ZNF211: variants seen among roughly 807,000 people sequenced by gnomAD.
The protein encoded by ZNF211 is zinc finger protein 211.
Under a neutral mutation model 12.1 loss-of-function variants are expected in ZNF211, and 18 were observed. That is an observed-to-expected ratio of 1.48 (90% CI 1.03 to 2.20). ZNF211 has a LOEUF of 2.20. Among genes scored for constraint, ZNF211 ranks in the 30% most tolerant of loss-of-function variants. The pLI is 0.00. For missense variants in ZNF211, 677 were observed against 703.1 expected (o/e 0.96, Z 0.42); for synonymous variants, 249 against 246.0 (o/e 1.01, Z -0.11).
intron 3 of ZNF211, among the ~76,000 whole-genome samples, chr19:57,637,487 G>T (rs12610072): frequency 0.18 from 27,465 of 151,886 alleles, 2,650 homozygotes; most frequent in East Asian, 0.32. Context: ...GCTCCTGGCC[G>T]CAAGCGATCC....
At position 57,641,427 on chromosome 19, in the gene ZNF211, C is replaced by T. The variant is rs11879465; in HGVS notation, c.980C>T (p.Ala327Val). Residue 327 changes from alanine to valine, a missense_variant, in exon 4 of 4, where the codon GCG (alanine) becomes GTG (valine). Ala to Val is a moderately conservative substitution (Grantham distance 64). Transcript: ENST00000240731. ...QRVHTGERPY[A>V]CPECGKSFSQ... ...GTTCATACTGGAGAAAGGCCTTATG[C>T]GTGCCCTGAATGTGGGAAATCGTTT... 258,630 of 1,613,160 alleles carry T rather than the reference C, an allele frequency of 0.16. 21,766 individuals are homozygous for T. The highest frequency in any genetic ancestry group is 0.3 in the East Asian group (13,358 of 44,814).
intron 3 of ZNF211, chr19:57,639,952 G>GC: frequency 6.5e-7 from 1 of 1,527,632 alleles, no homozygotes; most frequent in Non-Finnish European, 8.8e-7. Context: ...CTCAACTAGG[G>GC]CTAGGGGAAG....
In ZNF211 at chr19:57,636,551, C is replaced by T. The variant is rs144846755; in HGVS notation, c.256+1796C>T. 8.2e-3 allele frequency among the ~76,000 whole-genome samples: 1,243 copies of T among 152,252 alleles called. 8 individuals are homozygous for T. Among genetic ancestry groups the T allele is most frequent in the Non-Finnish European group, 0.012 (813 of 68,000 alleles). On this transcript the variant is annotated intron_variant, in intron 3 of 3. Coordinates refer to ENST00000240731, the MANE Select transcript of ZNF211 (RefSeq NM_006385.5). ...ATTTGAGGGTTTATTTCTGGGGTCT[C>T]TTCTAGTCCATTGATCTATATGTCT...
chr19:57,636,775 C>T (rs1336355912), intron 3 of ZNF211, among the ~76,000 whole-genome samples: 1 of 152,126 alleles, frequency 6.6e-6, no homozygotes, highest in African/African-American at 2.4e-5. Flanking sequence ...ATAGGTATCG[C>T]ACTTTCTATA....
intron 3 of ZNF211, 98 bp downstream of exon 3, chr19:57,634,853 T>G: frequency 7.4e-7 from 1 of 1,350,270 alleles, no homozygotes; most frequent in Non-Finnish European, 9.6e-7. Flanking sequence ...CTATAGGCAC[T>G]GCCTCCTTCC....
chr19:57,643,062 A>C lies in ZNF211; in HGVS notation c.*881A>C, dbSNP rs1423320648. 6.6e-6 allele frequency among the ~76,000 whole-genome samples: 1 copy of C among 152,134 alleles called. No individual in the cohort carries two copies. Among genetic ancestry groups the C allele is most frequent in the Non-Finnish European group, 1.5e-5 (1 of 68,028 alleles). On this transcript the variant is annotated 3_prime_UTR_variant, in exon 4 of 4. Coordinates refer to ENST00000240731, the MANE Select transcript of ZNF211 (RefSeq NM_006385.5). ...CCCTGAGGAAGTGGGAAATTGTGAC[A>C]AATTCCATTGCTTCTGGGAACAAGA...
rs556519598 is a variant in ZNF211, at chr19:57,643,390, C to T, written c.*1209C>T. On this transcript the variant is annotated 3_prime_UTR_variant, in exon 4 of 4. Coordinates refer to ENST00000240731, the MANE Select transcript of ZNF211 (RefSeq NM_006385.5). ...TATTTTTTGTAGCTGAGGTGACTGT[C>T]AAAAAATAATAAACAACCTAAAGGT... 5.3e-4 allele frequency among the ~76,000 whole-genome samples: 80 copies of T among 152,008 alleles called. No homozygotes were observed. The highest frequency in any genetic ancestry group is 1.9e-3 in the African/African-American group (77 of 41,452).
chr19:57,634,297 G>T, intron 2 of ZNF211: 1 of 498,978 alleles, frequency 2.0e-6, no homozygotes, highest in Non-Finnish European at 3.4e-6. Flanking sequence ...GTAGGTACCA[G>T]CTTTTGGAAC....
Position 57,641,568 on chromosome 19 carries a change from G to C in ZNF211, c.1121G>C (p.Arg374Thr). 1 of 1,614,042 alleles carries C rather than the reference G, an allele frequency of 6.2e-7. No individual in the cohort carries two copies. Among genetic ancestry groups the C allele is most frequent in the Non-Finnish European group, 8.5e-7 (1 of 1,180,020 alleles). Residue 374 changes from arginine (R) to threonine (T), a missense_variant, in exon 4 of 4, where the codon AGA becomes ACA. Transcript: ENST00000240731. ...AGGTCCAACCTCATGCAGCATCGCA[G>C]AGTTCACACTGGAGAAAGGCCTTAT... The part of the protein sequence containing the change: ...SQRSNLMQHR[R>T]VHTGERPYEC...
chr19:57,634,553 A>C, intron 2 of ZNF211, 76 bp from the exon 3 acceptor site: 1 of 1,436,250 alleles, frequency 7.0e-7, no homozygotes, highest in South Asian at 1.6e-5. Context: ...TCTTGGGAGG[A>C]GAATGTATGG....
In ZNF211 at chr19:57,643,666, C is replaced by A. The variant is rs1217952248; in HGVS notation, c.*1485C>A. The stretch of plus-strand genomic sequence containing the variant: ...TTAATGTAGGGTTACCAAACCTAGT[C>A]AAAAACACATTATACCATCATTATA... On this transcript the variant is annotated 3_prime_UTR_variant, in exon 4 of 4. Transcript: ENST00000240731. 6.6e-6 allele frequency among the ~76,000 whole-genome samples: 1 copy of A among 152,258 alleles called. No homozygotes were observed. Among genetic ancestry groups the A allele is most frequent in the Middle Eastern group, 3.4e-3 (1 of 294 alleles).
chr19:57,639,947 C>T lies in ZNF211; in HGVS notation c.257-757C>T, dbSNP rs928970402. The T allele has an allele frequency of 6.5e-6, 10 of 1,530,862 alleles. No homozygotes were observed. In the African/African-American group the frequency reaches 1.4e-4, roughly 21 times the overall value. 94.8% of individuals were successfully genotyped at this position (1,530,862 alleles called of 1,614,324 possible). On this transcript the variant is annotated intron_variant, in intron 3 of 3. Coordinates refer to ENST00000240731, the MANE Select transcript of ZNF211 (RefSeq NM_006385.5). The stretch of plus-strand genomic sequence containing the variant: ...ATCCTGGTCTCATGTAGTTGCTCAA[C>T]TAGGGCTAGGGGAAGTGCCCTCTGT...
In ZNF211 at chr19:57,633,340, G is replaced by C. The variant is rs1235805845; in HGVS notation, c.-7G>C. On this transcript the variant is annotated 5_prime_UTR_variant, in exon 1 of 4. Transcript: ENST00000240731. Reference sequence around the variant, plus strand: ...GAGCCGCCCGCGAGGCCGGCCTGGGGATAGCGATGCTCGGGTTCCCCCCGG... The same window carrying C: ...GAGCCGCCCGCGAGGCCGGCCTGGGCATAGCGATGCTCGGGTTCCCCCCGG... 6.3e-7 allele frequency: 1 copy of C among 1,582,828 alleles called. No homozygotes were observed. The highest frequency in any genetic ancestry group is 1.2e-5 in the South Asian group (1 of 86,842).
At position 57,640,928 on chromosome 19, in the gene ZNF211, G is replaced by A; in HGVS notation, c.481G>A (p.Ala161Thr). ...HTCGKQFYIS[A>T]NLQQHQRQHI... is the part of the protein sequence containing the mutation. The stretch of plus-strand genomic sequence containing the variant: ...ATGTGGAAAACAATTCTACATCAGT[G>A]CAAATCTTCAACAGCACCAGAGGCA... The change falls in exon 4 of 4, where the codon GCA becomes ACA. Residue 161 changes from alanine (A) to threonine (T), a missense_variant. Coordinates refer to ENST00000240731, the MANE Select transcript of ZNF211 (RefSeq NM_006385.5). 6.2e-7 allele frequency: 1 copy of A among 1,614,210 alleles called. No individual in the cohort carries two copies. Among genetic ancestry groups the A allele is most frequent in the African/African-American group, 1.3e-5 (1 of 75,058 alleles).
intron 3 of ZNF211, among the ~76,000 whole-genome samples, chr19:57,639,364 T>TC (rs1422318206): frequency 7.1e-6 from 1 of 140,898 alleles, no homozygotes; most frequent in Non-Finnish European, 1.5e-5. Context: ...ACTTTTTTTT[T>TC]TTTTTTTTTT....
In ZNF211 at chr19:57,634,679, G is replaced by A. The variant is rs147342045; in HGVS notation, c.180G>A (p.Trp60Ter). 3 of 1,604,382 alleles carry A rather than the reference G, an allele frequency of 1.9e-6. No individual in the cohort carries two copies. Among genetic ancestry groups the A allele is most frequent in the Non-Finnish European group, 2.6e-6 (3 of 1,174,638 alleles). Residue 60 changes from tryptophan (W) to a stop codon, truncating the protein, a stop_gained, in exon 3 of 4, where the codon TGG (tryptophan) becomes TGA (stop). Transcript: ENST00000240731. LOFTEE classifies it high-confidence loss of function. ...DVAVYFSWEEWDLLDEAQKHL... is the reference protein window; with the variant it reads ...DVAVYFSWEE The stretch of plus-strand genomic sequence containing the variant: ...CCGTGTACTTCTCCTGGGAGGAATG[G>A]GATCTCCTTGATGAGGCTCAGAAAC...
chr19:57,642,246 G>A lies in ZNF211; in HGVS notation c.*65G>A. 1 of 1,493,112 alleles carries A rather than the reference G, an allele frequency of 6.7e-7. No individual in the cohort carries two copies. The highest frequency in any genetic ancestry group is 1.4e-5 in the South Asian group (1 of 73,860). 92.5% of individuals were successfully genotyped at this position (1,493,112 alleles called of 1,614,324 possible). On this transcript the variant is annotated 3_prime_UTR_variant, in exon 4 of 4. Transcript: ENST00000240731. The stretch of plus-strand genomic sequence containing the variant: ...ACTGAAGGAGTACACCTGTGAGAGA[G>A]ACAAGTACCTGATTTGGAAGCCCCA...
At position 57,633,172 on chromosome 19, in the gene ZNF211, C is replaced by T. The variant is rs1203528747; in HGVS notation, c.-175C>T. On this transcript the variant is annotated 5_prime_UTR_variant, in exon 1 of 4. Transcript: ENST00000240731. ...GGGTCTACCCCCGCCCCCCCCAGGG[C>T]GGGACTTGTGGCGTCTTCGCAGCGG... is the stretch of plus-strand genomic sequence containing the variant. 7.0e-6 allele frequency: 4 copies of T among 574,064 alleles called. No individual in the cohort carries two copies. The highest frequency in any genetic ancestry group is 1.2e-5 in the Non-Finnish European group (4 of 340,756). The allele number at this position is 574,064 out of a possible 1,614,324, so 35.6% of individuals were successfully genotyped here.
In ZNF211 at chr19:57,634,006, C is replaced by A. The variant is rs762101731; in HGVS notation, c.91-17C>A. ...CTGCCATGATCACATTCCTCTGAGG[C>A]CTGCGTCTTTCCACAGGTTCCCATA... On this transcript the variant is annotated splice_polypyrimidine_tract_variant and intron_variant, in intron 1 of 3. Coordinates refer to ENST00000240731, the MANE Select transcript of ZNF211 (RefSeq NM_006385.5). 6.3e-7 allele frequency: 1 copy of A among 1,592,792 alleles called. No homozygotes were observed. The highest frequency in any genetic ancestry group is 1.8e-5 in the Admixed American group (1 of 56,604).
Sources: gnomAD v4.1 joint callset for allele counts (sites outside exome capture counted in the v4.1 genomes callset) on GRCh38, gnomAD v4.1.1 for gene constraint, MANE v1.5 for transcripts, NCBI Gene and HGNC (gene_info 2026-07-23, HGNC 2026-07-21) for gene names.